MTR: variants seen among roughly 807,000 people sequenced by gnomAD.
MTR encodes the protein 5-methyltetrahydrofolate-homocysteine methyltransferase.
In MTR, 84 loss-of-function variants were observed where a neutral mutation model predicts 154.8. The observed-to-expected ratio is 0.54, with a 90% confidence interval of 0.45 to 0.65. The LOEUF is 0.65. MTR is among the 30% of genes least tolerant of loss of function. The pLI is 0.00. For synonymous variants in MTR, 554 were observed against 553.9 expected, an observed-to-expected ratio of 1.00 and a Z score of 0.00; for missense variants, 1,275 against 1,570.2, an observed-to-expected ratio of 0.81 and a Z score of 3.18.
At chr1:236,837,638 C>T (rs1004087133) in intron 14 of MTR, among the ~76,000 whole-genome samples, 4 of 152,126 alleles carry the variant, frequency 2.6e-5, no homozygotes, top group African/African-American at 4.8e-5. Context: ...GTGGTATGCA[C>T]CTGTAGTTGC....
chr1:236,825,005 C>G lies in MTR; in HGVS notation c.866-333C>G, dbSNP rs186462075. Among the ~76,000 whole-genome samples the G allele has an allele frequency of 7.3e-3, 1,116 of 152,210 alleles. 6 individuals carry two copies. Among genetic ancestry groups the G allele is most frequent in the Non-Finnish European group, 0.011 (780 of 68,012 alleles). ...ATGTAGTATTCCTTCCACCCCCACC[C>G]CCAAGCGGCTATGTAACAAGAATGA... On this transcript the variant is annotated intron_variant, in intron 9 of 32. Transcript: ENST00000366577.
chr1:236,852,728 G>A, intron 17 of MTR, 91 bp downstream of exon 17: 1 of 1,236,458 alleles, frequency 8.1e-7, no homozygotes, highest in Non-Finnish European at 1.2e-6. Context: ...AGTCCGGCCT[G>A]CTGCCAGTTT....
intron 12 of MTR, 72 bp downstream of exon 12, chr1:236,829,340 G>A: frequency 7.8e-7 from 1 of 1,279,062 alleles, no homozygotes; most frequent in Non-Finnish European, 1.1e-6. Flanking sequence ...AAGTGGTAGT[G>A]ATGTTTGTGC....
chr1:236,870,993 A>G (rs947007988), intron 22 of MTR, among the ~76,000 whole-genome samples: 6 of 152,128 alleles, frequency 3.9e-5, no homozygotes, highest in African/African-American at 1.2e-4. Flanking sequence ...GCAGCAGCCT[A>G]ACCAGTCTCT....
rs994666608 is a variant in MTR at position 236,829,254 on chromosome 1, A to G, written c.1061A>G (p.His354Arg). 1.2e-6 allele frequency: 2 copies of G among 1,613,840 alleles called. No individual in the cohort carries two copies. Among genetic ancestry groups the G allele is most frequent in the Non-Finnish European group, 1.7e-6 (2 of 1,179,758 alleles). The change falls in exon 12 of 33, where the codon CAT becomes CGT. Residue 354 changes from histidine (H) to arginine (R), a missense_variant. His to Arg is a conservative substitution (Grantham distance 29). Transcript: ENST00000366577. The part of the protein sequence containing the change: ...RVPPATAFEG[H>R]MLLSGLEPFR... ...CCACCTGCCACTGCTTTTGAAGGAC[A>G]TATGTTACTGTCTGGTGAGTCATAA...
At chr1:236,834,922 C>CA (rs1286663232) in intron 13 of MTR, among the ~76,000 whole-genome samples, 6 of 152,226 alleles carry the variant, frequency 3.9e-5, no homozygotes, top group Non-Finnish European at 1.5e-5. Context: ...ATTTGAAAAG[C>CA]CTTCCAGTGT....
intron 4 of MTR, among the ~76,000 whole-genome samples, 189 bp downstream of exon 4, chr1:236,808,962 T>C (rs1163955542): frequency 1.3e-5 from 2 of 152,244 alleles, no homozygotes; most frequent in East Asian, 1.9e-4. Flanking sequence ...CATCTTTGAA[T>C]TGATGCCAAC....
chr1:236,864,611 A>G (rs1664729979), intron 22 of MTR, among the ~76,000 whole-genome samples: 1 of 152,216 alleles, frequency 6.6e-6, no homozygotes, highest in Non-Finnish European at 1.5e-5. Flanking sequence ...TTTTTTAAAG[A>G]GATAAATTTA....
intron 22 of MTR, 73 bp downstream of exon 22, chr1:236,863,627 C>A: frequency 7.7e-7 from 1 of 1,303,426 alleles, no homozygotes. Context: ...AATAATTCTT[C>A]AATGGGTGGG....
chr1:236,845,928 G>A (rs969419497), intron 15 of MTR, among the ~76,000 whole-genome samples: 5 of 152,028 alleles, frequency 3.3e-5, no homozygotes, highest in Non-Finnish European at 4.4e-5. Context: ...TGACACCACT[G>A]ATTATAGGGG....
chr1:236,842,090 A>G (rs1157432983), intron 15 of MTR, among the ~76,000 whole-genome samples: 1 of 151,982 alleles, frequency 6.6e-6, no homozygotes, highest in Non-Finnish European at 1.5e-5. Context: ...ACGGGGTTTC[A>G]CCGTGTCAGC....
At chr1:236,819,560 C>A (rs1661801473) in intron 8 of MTR, 1 of 383,744 alleles carries the variant, frequency 2.6e-6, no homozygotes, top group African/African-American at 2.1e-5. Flanking sequence ...CTCCCATGGC[C>A]TTTCCATGCT....
chr1:236,889,426 T>C, intron 28 of MTR, 90 bp downstream of exon 28: 4 of 1,560,814 alleles, frequency 2.6e-6, no homozygotes, highest in Non-Finnish European at 8.8e-7. Flanking sequence ...GAGCAGTGGA[T>C]TTGGATTGTG....
intron 25 of MTR, among the ~76,000 whole-genome samples, chr1:236,884,903 G>C (rs537548931): frequency 2.6e-5 from 4 of 152,304 alleles, no homozygotes; most frequent in African/African-American, 9.6e-5. Context: ...CCAGAAACCA[G>C]TCAAAGGCCA....
rs960260896 is a variant in MTR at position 236,901,382 on chromosome 1, G to C, written c.*3738G>C. 2.6e-5 allele frequency: 4 copies of C among 152,226 alleles called. No homozygotes were observed. Among genetic ancestry groups the C allele is most frequent in the African/African-American group, 9.7e-5 (4 of 41,410 alleles). 9.4% of individuals were successfully genotyped at this position (152,226 alleles called of 1,614,324 possible). ...ATTGAGAGTGTTTCAGACAGAAAAA[G>C]GATTATATGCTGAGGGTAAAGCACA... On this transcript the variant is annotated 3_prime_UTR_variant, in exon 33 of 33. Coordinates refer to ENST00000366577, the MANE Select transcript of MTR (RefSeq NM_000254.3).
chr1:236,893,413 C>T (rs72762132), intron 29 of MTR, among the ~76,000 whole-genome samples: 32 of 152,160 alleles, frequency 2.1e-4, no homozygotes, highest in African/African-American at 7.5e-4. Context: ...TATATGTAGA[C>T]GCATGGGTTG....
At chr1:236,834,802 A>G (rs1338121135) in intron 13 of MTR, among the ~76,000 whole-genome samples, 1 of 152,224 alleles carries the variant, frequency 6.6e-6, no homozygotes, top group Non-Finnish European at 1.5e-5. Context: ...TGAGAAGTAT[A>G]TAAGACTTTT....
rs923734948 is a variant in MTR at position 236,885,199 on chromosome 1, G to C, written c.2755G>C (p.Asp919His). 5.0e-6 allele frequency: 8 copies of C among 1,599,186 alleles called. No individual in the cohort carries two copies. The African/African-American group carries it at 1.1e-4, about 21-fold the overall frequency. Reference sequence around the variant, plus strand: ...GGAAGAATATGAAGATATTAGACAGGACCATTATGAGTCTCTCAAGGTAAG... The same window carrying C: ...GGAAGAATATGAAGATATTAGACAGCACCATTATGAGTCTCTCAAGGTAAG... ...IMEEYEDIRQ[D>H]HYESLKERRY... Residue 919 changes from aspartate to histidine, a missense_variant, in exon 26 of 33, where the codon GAC becomes CAC. By Grantham distance (81) the Asp-to-His change is moderately conservative. Transcript: ENST00000366577.
chr1:236,896,559 T>C (rs1666634880), intron 31 of MTR, among the ~76,000 whole-genome samples: 1 of 152,236 alleles, frequency 6.6e-6, no homozygotes, highest in African/African-American at 2.4e-5. Flanking sequence ...AAACTGTCTC[T>C]TCTTTCTCAC....
Sources: gnomAD v4.1 joint callset for allele counts (sites outside exome capture counted in the v4.1 genomes callset) on GRCh38, gnomAD v4.1.1 for gene constraint, MANE v1.5 for transcripts, NCBI Gene and HGNC (gene_info 2026-07-23, HGNC 2026-07-21) for gene names.